The following SEC14L5 variants were observed in gnomAD, a reference collection of about 807,000 sequenced individuals.
The protein encoded by SEC14L5 is SEC14-like protein 5.
SEC14L5 carries 96 observed loss-of-function variants against 84.6 expected under a neutral mutation model. That is an observed-to-expected ratio of 1.13 (90% CI 0.96 to 1.34). SEC14L5 has a LOEUF of 1.34. SEC14L5 is among the 40% of genes most tolerant of loss of function. SEC14L5 has a pLI of 0.00. For synonymous variants in SEC14L5, 546 were observed against 383.4 expected, an observed-to-expected ratio of 1.42 and a Z score of -4.95; for missense variants, 1,224 against 942.5, an observed-to-expected ratio of 1.30 and a Z score of -3.91.
intron 2 of SEC14L5, among the ~76,000 whole-genome samples, chr16:4,972,865 A>G (rs966817323): frequency 3.3e-5 from 5 of 152,170 alleles, no homozygotes; most frequent in Admixed American, 2.0e-4. Context: ...AAAATCAACA[A>G]TGTGGTACCT....
chr16:5,007,733 G>A (rs1955748539), intron 13 of SEC14L5, among the ~76,000 whole-genome samples: 1 of 151,136 alleles, frequency 6.6e-6, no homozygotes, highest in Non-Finnish European at 1.5e-5. Flanking sequence ...AGCCTCCCGA[G>A]TAGCTGGGAT....
intron 15 of SEC14L5, among the ~76,000 whole-genome samples, chr16:5,013,474 A>AC (rs1395956783): frequency 6.8e-6 from 1 of 147,028 alleles, no homozygotes; most frequent in Non-Finnish European, 1.5e-5. Context: ...GTAGCCTTGA[A>AC]CTCCCGGGCT....
rs369926909 is a variant in SEC14L5, at chr16:5,016,874, A to C, written c.*1904A>C. Reference sequence around the variant, plus strand: ...CGCTTCTCAGGTATCTGAACAAAATAGATTGCTTTGCACTCTGCGTCAAGG... The same window carrying C: ...CGCTTCTCAGGTATCTGAACAAAATCGATTGCTTTGCACTCTGCGTCAAGG... On this transcript the variant is annotated 3_prime_UTR_variant, in exon 16 of 16. Coordinates refer to ENST00000251170, the MANE Select transcript of SEC14L5 (RefSeq NM_014692.2). 20 of 152,344 alleles carry C rather than the reference A, an allele frequency of 1.3e-4. No individual in the cohort carries two copies. Among genetic ancestry groups the C allele is most frequent in the African/African-American group, 3.8e-4 (16 of 41,592 alleles). The allele number at this position is 152,344 out of a possible 1,614,324, so 9.4% of individuals were successfully genotyped here.
intron 9 of SEC14L5, 52 bp from the exon 10 acceptor site, chr16:5,000,803 G>A (rs1955667305): frequency 5.7e-6 from 9 of 1,568,086 alleles, no homozygotes; most frequent in African/African-American, 1.4e-5. Context: ...GAAGGACTGT[G>A]TGGGGTAAAG....
chr16:4,987,499 G>GAGGT lies in SEC14L5; in HGVS notation c.64-58_64-57insAGGT, dbSNP rs1555529514. ...CACAGCAGATAAGGAGGTCGCGCTGGGGGGGGGGGTCCCTCTGCCCCCCCC... is the reference window on the plus strand; with the variant it reads ...CACAGCAGATAAGGAGGTCGCGCTGGAGGTGGGGGGGGGTCCCTCTGCCCCCCCC... On this transcript the variant is annotated intron_variant, in intron 2 of 15. Transcript: ENST00000251170. 1.6e-4 allele frequency: 214 copies of GAGGT among 1,298,426 alleles called. 3 individuals carry two copies. In the East Asian group the frequency reaches 6.5e-3, roughly 39 times the overall value. The allele number at this position is 1,298,426 out of a possible 1,614,324, so 80.4% of individuals were successfully genotyped here.
At chr16:4,969,616 TC>T (rs111231853) in intron 2 of SEC14L5, among the ~76,000 whole-genome samples, 5,571 of 152,252 alleles carry the variant, frequency 0.037, 327 homozygotes, top group African/African-American at 0.13. Context: ...ACTCCTGACC[TC>T]AGGTGATCCA....
rs750239172 is a variant in SEC14L5 at position 5,015,105 on chromosome 16, T to C, written c.*135T>C. The C allele has an allele frequency of 1.3e-4, 90 of 672,280 alleles. 1 individual carries two copies. Among genetic ancestry groups the C allele is most frequent in the Non-Finnish European group, 2.1e-4 (85 of 397,896 alleles). 41.6% of individuals were successfully genotyped at this position (672,280 alleles called of 1,614,324 possible). ...CCTAGATGCTGCCCAAGTTGGGGTG[T>C]CTGGAGCGGATGGCAAGGATCCAGA... On this transcript the variant is annotated 3_prime_UTR_variant, in exon 16 of 16. Transcript: ENST00000251170.
intron 13 of SEC14L5, among the ~76,000 whole-genome samples, chr16:5,007,763 G>A (rs751617028): frequency 2.0e-5 from 3 of 151,044 alleles, no homozygotes; most frequent in South Asian, 2.1e-4. Flanking sequence ...ATGCCACTGC[G>A]TCCAGCTAAT....
intron 2 of SEC14L5, among the ~76,000 whole-genome samples, chr16:4,981,268 T>C (rs906427039): frequency 8.8e-6 from 1 of 113,292 alleles, no homozygotes; most frequent in Non-Finnish European, 1.7e-5. Flanking sequence ...TTTTTTTTTT[T>C]TTTTTTTTTT....
At position 4,991,999 on chromosome 16, in the gene SEC14L5, G is replaced by T; in HGVS notation, c.636G>T (p.Leu212=). ...SLEAHGPRST[L]GPALEAVSMD... is the part of the protein sequence containing the mutation. ...AGGCCCACGGGCCCCGTAGCACCCTGGGGCCCGCTCTGGAGGCGGTCAGTA... is the reference window on the plus strand; with the variant it reads ...AGGCCCACGGGCCCCGTAGCACCCTTGGGCCCGCTCTGGAGGCGGTCAGTA... The change falls in exon 6 of 16, where the codon CTG becomes CTT. Residue 212 remains leucine (L), a synonymous_variant. Transcript: ENST00000251170. 6.3e-7 allele frequency: 1 copy of T among 1,581,148 alleles called. No individual in the cohort carries two copies. The highest frequency in any genetic ancestry group is 2.3e-5 in the East Asian group (1 of 43,664).
At chr16:5,007,245 G>C in intron 12 of SEC14L5, 107 bp from the exon 13 acceptor site, 1 of 947,024 alleles carries the variant, frequency 1.1e-6, no homozygotes, top group Non-Finnish European at 1.6e-6. Context: ...TTCAGTAAGG[G>C]GTTGCAATTA....
intron 2 of SEC14L5, among the ~76,000 whole-genome samples, chr16:4,971,626 A>G (rs1255099219): frequency 6.6e-6 from 1 of 152,206 alleles, no homozygotes; most frequent in African/African-American, 2.4e-5. Context: ...TATCTTCCAG[A>G]ACCTAGCTCT....
intron 7 of SEC14L5, 72 bp from the exon 8 acceptor site, chr16:4,996,783 G>C (rs893918442): frequency 1.5e-5 from 18 of 1,217,542 alleles, no homozygotes; most frequent in African/African-American, 7.6e-5. Context: ...TGTTGCCCCG[G>C]CTGGTTCTGT....
At chr16:5,008,704 C>T (rs757194967) in intron 14 of SEC14L5, 56 bp downstream of exon 14, 38 of 1,454,540 alleles carry the variant, frequency 2.6e-5, no homozygotes, top group Middle Eastern at 1.8e-4. Context: ...GTGTCCACTG[C>T]GTGCCAGGCT....
In SEC14L5 at chr16:5,014,966, G is replaced by C. The variant is rs368046502; in HGVS notation, c.2087G>C (p.Arg696Thr). The change falls in exon 16 of 16, where the codon AGA (arginine) becomes ACA (threonine). Residue 696 changes from arginine to threonine, a missense_variant. By Grantham distance (71) the Arg-to-Thr change is moderately conservative. Coordinates refer to ENST00000251170, the MANE Select transcript of SEC14L5 (RefSeq NM_014692.2). ...GQSHSSSLVS[R>T] ...TCTCATAGCAGCTCCCTGGTCTCCA[G>C]ATAGCCGGGCCCAGTGTTTCAGGGC... is the stretch of plus-strand genomic sequence containing the variant. 3 of 1,609,204 alleles carry C rather than the reference G, an allele frequency of 1.9e-6. No homozygotes were observed. The highest frequency in any genetic ancestry group is 2.7e-5 in the African/African-American group (2 of 74,932).
chr16:5,000,911 G>A lies in SEC14L5; in HGVS notation c.1116G>A (p.Leu372=). 1 of 1,607,502 alleles carries A rather than the reference G, an allele frequency of 6.2e-7. No homozygotes were observed. The highest frequency in any genetic ancestry group is 8.5e-7 in the Non-Finnish European group (1 of 1,177,206). The change falls in exon 10 of 16, where the codon CTG becomes CTA. Residue 372 remains leucine, a synonymous_variant. Transcript: ENST00000251170. ...QKRCEGSTRQ[L]GRPISSWTCL... ...GGTGTGAGGGGAGCACAAGGCAGCTGGGCCGTCCCATCAGGCAAACACCTG... is the reference window on the plus strand; with the variant it reads ...GGTGTGAGGGGAGCACAAGGCAGCTAGGCCGTCCCATCAGGCAAACACCTG...
chr16:5,006,927 G>A (rs1274446196), intron 12 of SEC14L5, among the ~76,000 whole-genome samples: 3 of 152,006 alleles, frequency 2.0e-5, no homozygotes, highest in Non-Finnish European at 4.4e-5. Context: ...GAAATCTCTC[G>A]ATGAGCACGG....
chr16:4,962,726 G>C (rs189556748), intron 2 of SEC14L5, among the ~76,000 whole-genome samples: 2 of 146,436 alleles, frequency 1.4e-5, no homozygotes, highest in Admixed American at 6.9e-5. Context: ...ATCTGTACCT[G>C]CGTTAATTTA....
At chr16:4,996,696 T>G (rs959075961) in intron 7 of SEC14L5, among the ~76,000 whole-genome samples, 159 bp from the exon 8 acceptor site, 1 of 151,564 alleles carries the variant, frequency 6.6e-6, no homozygotes, top group Non-Finnish European at 1.5e-5. Context: ...CCTAGCCTCC[T>G]GAGTAGCTGG....
Sources: gnomAD v4.1 joint callset for allele counts (sites outside exome capture counted in the v4.1 genomes callset) on GRCh38, gnomAD v4.1.1 for gene constraint, MANE v1.5 for transcripts, NCBI Gene and HGNC (gene_info 2026-07-23, HGNC 2026-07-21) for gene names.